The following TRIP12 variants were observed in gnomAD, a reference collection of about 807,000 sequenced individuals.
TRIP12 encodes the protein thyroid hormone receptor interactor 12, also known as E3 ubiquitin-protein ligase TRIP12.
In TRIP12, 25 loss-of-function variants were observed where a neutral mutation model predicts 244.2. The observed-to-expected ratio is 0.10, with a 90% CI of 0.07 to 0.14. The LOEUF (loss-of-function observed/expected upper bound fraction) is 0.14. Ranked by LOEUF, TRIP12 falls within the 10% of genes least tolerant of loss-of-function variation. TRIP12 has a pLI of 1.00. For synonymous variants in TRIP12, 905 were observed against 873.1 expected (o/e 1.04, Z -0.64); for missense variants, 1,677 against 2,486.4 (o/e 0.67, Z 6.92).
At chr2:229,774,328 A>G (rs1190819166) in intron 37 of TRIP12, 67 bp from the exon 38 acceptor site, 62 of 1,469,936 alleles carry the variant, frequency 4.2e-5, no homozygotes, top group South Asian at 2.9e-4. Context: ...TAAAAAAATA[A>G]AAGATATCCT....
At chr2:229,794,583 A>G (rs2042349090) in intron 26 of TRIP12, among the ~76,000 whole-genome samples, 2 of 152,036 alleles carry the variant, frequency 1.3e-5, no homozygotes, top group South Asian at 4.1e-4. Flanking sequence ...ATAAATAAAT[A>G]AATAAATAAA....
At chr2:229,799,692 G>A (rs569401976) in intron 21 of TRIP12, among the ~76,000 whole-genome samples, 4 of 151,840 alleles carry the variant, frequency 2.6e-5, no homozygotes, top group Admixed American at 6.6e-5. Context: ...GGAGAATGGC[G>A]TGAACCCGGG....
chr2:229,793,391 C>A, intron 26 of TRIP12: 1 of 282,264 alleles, frequency 3.5e-6, no homozygotes. Context: ...TATTTGATCT[C>A]TGTCCCATCA....
chr2:229,864,501 T>C (rs2061151724), intron 2 of TRIP12, among the ~76,000 whole-genome samples: 2 of 152,204 alleles, frequency 1.3e-5, no homozygotes, highest in African/African-American at 4.8e-5. Context: ...GTACAAGGTA[T>C]GGTGGTTTTA....
At chr2:229,886,522 C>T (rs996511500) in intron 1 of TRIP12, among the ~76,000 whole-genome samples, 5 of 151,050 alleles carry the variant, frequency 3.3e-5, no homozygotes, top group Admixed American at 2.6e-4. Flanking sequence ...AGTGCAATGG[C>T]GCGATCTCGG....
At chr2:229,861,979 A>G (rs1232868952) in intron 2 of TRIP12, among the ~76,000 whole-genome samples, 1 of 152,118 alleles carries the variant, frequency 6.6e-6, no homozygotes, top group African/African-American at 2.4e-5. Context: ...TTCAAGAAGC[A>G]TATTTTCTAA....
chr2:229,830,925 G>A (rs1373493342), intron 6 of TRIP12, 86 bp from the exon 7 acceptor site: 23 of 1,182,642 alleles, frequency 1.9e-5, no homozygotes, highest in East Asian at 9.5e-5. Context: ...AAAGTTTTGC[G>A]GACTACAATT....
intron 38 of TRIP12, 44 bp downstream of exon 38, chr2:229,774,053 C>T: frequency 6.3e-7 from 1 of 1,587,156 alleles, no homozygotes; most frequent in Non-Finnish European, 8.6e-7. Context: ...GCAAAGTCCT[C>T]CGTCTTCACA....
In TRIP12 at chr2:229,879,702, C is replaced by T. The variant is rs145277738; in HGVS notation, c.98+280G>A. On this transcript the variant is annotated intron_variant, in intron 2 of 41. Coordinates refer to ENST00000675903, the MANE Select transcript of TRIP12 (RefSeq NM_001348323.3). Reference sequence around the variant, plus strand: ...AAGATGTGTTGTAACATACATTTAACGAAGTGAAGAGAAAGGGCAAACAAA... The same window carrying T: ...AAGATGTGTTGTAACATACATTTAATGAAGTGAAGAGAAAGGGCAAACAAA... 7.9e-5 allele frequency among the ~76,000 whole-genome samples: 12 copies of T among 152,274 alleles called. No homozygotes were observed. The East Asian group carries it at 2.1e-3, about 27-fold the overall frequency.
At chr2:229,864,633 T>TC (rs1337107418) in intron 2 of TRIP12, among the ~76,000 whole-genome samples, 2 of 152,144 alleles carry the variant, frequency 1.3e-5, no homozygotes, top group African/African-American at 4.8e-5. Context: ...GAAAGGTCTT[T>TC]CCCCATTTTC....
At chr2:229,855,280 A>G (rs1208251238) in intron 4 of TRIP12, among the ~76,000 whole-genome samples, 4 of 152,204 alleles carry the variant, frequency 2.6e-5, no homozygotes, top group Non-Finnish European at 5.9e-5. Context: ...ACAAACAAAC[A>G]AAAACAAAAA....
intron 18 of TRIP12, among the ~76,000 whole-genome samples, 175 bp downstream of exon 18, chr2:229,805,555 T>A (rs1318632217): frequency 1.3e-5 from 2 of 152,212 alleles, no homozygotes; most frequent in African/African-American, 4.8e-5. Context: ...AGATACCAGT[T>A]AATACTGGCT....
chr2:229,921,173 T>C (rs576258691), intron 1 of TRIP12: 1 of 152,374 alleles, frequency 6.6e-6, no homozygotes, highest in East Asian at 1.9e-4. Flanking sequence ...CAGCCTCAAC[T>C]TCCCACGGCT....
rs1272759697 is a variant in TRIP12, at chr2:229,800,853, C to CG, written c.3206+1398dup. Among the ~76,000 whole-genome samples the CG allele has an allele frequency of 2.0e-3, 303 of 151,874 alleles. 1 individual carries two copies. The highest frequency in any genetic ancestry group is 7.2e-3 in the African/African-American group (296 of 41,374). On this transcript the variant is annotated intron_variant, in intron 21 of 41. Coordinates refer to ENST00000675903, the MANE Select transcript of TRIP12 (RefSeq NM_001348323.3). ...CAAGGTAGGGAGGGTCACTTGAGCC[C>CG]GGGAGTTCGAGGTTAGCCTGAGAAA...
intron 2 of TRIP12, among the ~76,000 whole-genome samples, chr2:229,876,395 T>C (rs2063577420): frequency 1.3e-5 from 2 of 152,214 alleles, no homozygotes; most frequent in Admixed American, 6.5e-5. Context: ...AAAATGATAT[T>C]TAGAAGAGCC....
chr2:229,865,326 AAAAAAAAAAAAAAAAAAGAAAG>A (rs1262231686), intron 2 of TRIP12, among the ~76,000 whole-genome samples: 3 of 63,476 alleles, frequency 4.7e-5, no homozygotes, highest in Non-Finnish European at 1.0e-4. Flanking sequence ...TACAAAAAAA[AAAAAAAAAAAAAAAAAAGAAAG>A]AAAGAAAGCA....
chr2:229,788,557 C>T (rs2040648650), intron 32 of TRIP12, among the ~76,000 whole-genome samples: 1 of 152,216 alleles, frequency 6.6e-6, no homozygotes, highest in African/African-American at 2.4e-5. Flanking sequence ...TGACTATCCT[C>T]AGCCAAACTG....
At chr2:229,877,503 G>A (rs968583815) in intron 2 of TRIP12, among the ~76,000 whole-genome samples, 4 of 152,012 alleles carry the variant, frequency 2.6e-5, no homozygotes, top group Admixed American at 6.6e-5. Context: ...ACTGCACTCC[G>A]GCCTGAGTGA....
rs1239642452 is a variant in TRIP12 at position 229,855,666 on chromosome 2, C to T, written c.1027+3106G>A. On this transcript the variant is annotated intron_variant, in intron 4 of 41. Coordinates refer to ENST00000675903, the MANE Select transcript of TRIP12 (RefSeq NM_001348323.3). ...TCATTCAAGGTCACACCTACTACCC[C>T]CATCTTCAAATCCTAACTCTGCCAA... Among the ~76,000 whole-genome samples, 3 of 151,482 alleles carry T rather than the reference C, an allele frequency of 2.0e-5. No homozygotes were observed. In the South Asian group the frequency reaches 6.3e-4, roughly 32 times the overall value.
Sources: gnomAD v4.1 joint callset for allele counts (sites outside exome capture counted in the v4.1 genomes callset) on GRCh38, gnomAD v4.1.1 for gene constraint, MANE v1.5 for transcripts, NCBI Gene and HGNC (gene_info 2026-07-23, HGNC 2026-07-21) for gene names.